Variants in TRAPPC9 observed in about 807,000 individuals in gnomAD.
The protein encoded by TRAPPC9 is IKK2 binding protein.
A neutral mutation model predicts 124.0 loss-of-function variants in TRAPPC9; 83 were observed. The ratio of observed to expected loss-of-function variants is 0.67; its 90% CI spans 0.56 to 0.80. TRAPPC9 has a LOEUF of 0.80. Ranked by LOEUF, TRAPPC9 falls within the 30% of genes least tolerant of loss-of-function variation. The probability of loss-of-function intolerance (pLI) is 0.00; values close to 1 mark genes in which losing one functional copy is unlikely to be tolerated. For synonymous variants in TRAPPC9, 638 were observed against 617.5 expected (o/e 1.03, Z -0.49); for missense variants, 1,302 against 1,508.3 (o/e 0.86, Z 2.27).
intron 19 of TRAPPC9, among the ~76,000 whole-genome samples, chr8:139,971,316 C>A (rs1836050614): frequency 6.6e-6 from 1 of 152,224 alleles, no homozygotes. Context: ...CCACCCTGAA[C>A]AGCTTCAGCC....
chr8:140,297,369 T>C (rs1355236465), intron 11 of TRAPPC9, among the ~76,000 whole-genome samples: 1 of 90,606 alleles, frequency 1.1e-5, no homozygotes, highest in Non-Finnish European at 2.5e-5. Flanking sequence ...CATACACGCA[T>C]ACACACAATA....
At chr8:139,844,300 A>C (rs2130901547) in intron 21 of TRAPPC9, among the ~76,000 whole-genome samples, 1 of 152,356 alleles carries the variant, frequency 6.6e-6, no homozygotes, top group African/African-American at 2.4e-5. Context: ...TGTGAAGGTC[A>C]TGTCCATTTC....
At position 139,961,090 on chromosome 8, in the gene TRAPPC9, A is replaced by G. The variant is rs1835345127; in HGVS notation, c.2810+27636T>C. Reference sequence around the variant, plus strand: ...TACAGGACATGAGATCCCAACACAGAACGTCCTTCTCCTGGTATATGCTGA... The same window carrying G: ...TACAGGACATGAGATCCCAACACAGGACGTCCTTCTCCTGGTATATGCTGA... On this transcript the variant is annotated intron_variant, in intron 19 of 22. Coordinates refer to ENST00000438773, the MANE Select transcript of TRAPPC9 (RefSeq NM_001160372.4). Among the ~76,000 whole-genome samples the G allele has an allele frequency of 1.6e-5, 2 of 124,750 alleles. 1 individual carries two copies. The highest frequency in any genetic ancestry group is 1.7e-4 in the Admixed American group (2 of 11,894). The allele number at this position is 124,750 out of a possible 152,430, so 81.8% of individuals were successfully genotyped here. A position where few individuals can be genotyped will look rare whatever the true frequency, so the allele number is the denominator to read the frequency against.
At chr8:140,051,127 CA>C (rs1345666896) in intron 17 of TRAPPC9, among the ~76,000 whole-genome samples, 2 of 152,244 alleles carry the variant, frequency 1.3e-5, no homozygotes, top group African/African-American at 4.8e-5. Context: ...CAGAGACCAC[CA>C]GATGTTAGCA....
chr8:140,396,138 C>CT (rs59266343), intron 7 of TRAPPC9, among the ~76,000 whole-genome samples: 24,100 of 83,500 alleles, frequency 0.29, 4,338 homozygotes, highest in East Asian at 0.44. Flanking sequence ...AAGACCTTGC[C>CT]TTTTTTTTTT....
Position 140,408,354 on chromosome 8 carries a change from T to C in TRAPPC9, c.887-2656A>G, listed in dbSNP as rs75537435. Among the ~76,000 whole-genome samples the C allele has an allele frequency of 7.7e-3, 1,166 of 152,116 alleles. 14 individuals are homozygous for C. The highest frequency in any genetic ancestry group is 0.027 in the African/African-American group (1,116 of 41,472). On this transcript the variant is annotated intron_variant, in intron 5 of 22. Transcript: ENST00000438773. ...ATCAGCCCAACAATGCTTTCATCAT[T>C]CACTAAAGAGATAGGTACTGAGCTG... is the stretch of plus-strand genomic sequence containing the variant.
intron 19 of TRAPPC9, among the ~76,000 whole-genome samples, chr8:139,952,541 C>T (rs1019231333): frequency 3.3e-5 from 5 of 152,110 alleles, no homozygotes; most frequent in African/African-American, 7.2e-5. Flanking sequence ...GGGCTCTCCC[C>T]GGGAGCAGTG....
intron 20 of TRAPPC9, among the ~76,000 whole-genome samples, chr8:139,909,666 T>G (rs1001607879): frequency 1.3e-5 from 2 of 152,268 alleles, no homozygotes; most frequent in African/African-American, 4.8e-5. Context: ...CCAGGCTCAG[T>G]GACTGTGTGA....
intron 20 of TRAPPC9, among the ~76,000 whole-genome samples, chr8:139,902,815 A>G (rs985172829): frequency 4.6e-5 from 7 of 152,192 alleles, no homozygotes; most frequent in Non-Finnish European, 7.3e-5. Flanking sequence ...AAGGGAGGAT[A>G]GCTCAGCGGA....
intron 21 of TRAPPC9, among the ~76,000 whole-genome samples, chr8:139,737,664 G>A (rs1049277112): frequency 6.6e-6 from 1 of 152,222 alleles, no homozygotes; most frequent in Non-Finnish European, 1.5e-5. Flanking sequence ...TTGCACAGCT[G>A]CTTGTCGAGG....
intron 17 of TRAPPC9, among the ~76,000 whole-genome samples, chr8:140,107,425 T>C (rs1274052577): frequency 6.6e-6 from 1 of 152,096 alleles, no homozygotes; most frequent in Non-Finnish European, 1.5e-5. Context: ...AATGGAACAG[T>C]CCCCACCCTC....
intron 18 of TRAPPC9, among the ~76,000 whole-genome samples, chr8:139,994,086 T>G (rs1359227916): frequency 6.6e-6 from 1 of 152,238 alleles, no homozygotes; most frequent in Non-Finnish European, 1.5e-5. Context: ...TTAAAGTCAT[T>G]TAGACTAATG....
intron 17 of TRAPPC9, among the ~76,000 whole-genome samples, chr8:140,034,704 C>A (rs1464063767): frequency 6.6e-6 from 1 of 152,218 alleles, no homozygotes; most frequent in African/African-American, 2.4e-5. Context: ...GCACTGTGAG[C>A]AGCACTTCAG....
Position 139,938,867 on chromosome 8 carries a change from G to C in TRAPPC9, c.2811-28567C>G, listed in dbSNP as rs181663904. Among the ~76,000 whole-genome samples the C allele has an allele frequency of 5.7e-3, 859 of 151,318 alleles. 10 individuals carry two copies. The highest frequency in any genetic ancestry group is 0.02 in the African/African-American group (810 of 41,150). On this transcript the variant is annotated intron_variant, in intron 19 of 22. Transcript: ENST00000438773. ...TCACCTTGCTAGCCAGGATGGTCTC[G>C]ATCTCCTGACCTCATGATCCACCCG...
chr8:139,914,941 T>C (rs1249046547), intron 19 of TRAPPC9: 1 of 152,232 alleles, frequency 6.6e-6, no homozygotes, highest in Non-Finnish European at 1.5e-5. Context: ...AGAATATTCA[T>C]GCAATTCCCC....
chr8:139,780,771 T>C (rs941607822), intron 21 of TRAPPC9, among the ~76,000 whole-genome samples: 2 of 151,696 alleles, frequency 1.3e-5, no homozygotes, highest in African/African-American at 4.8e-5. Context: ...AAAGATTTAT[T>C]TGGCAAAAGA....
At chr8:140,128,573 A>T (rs754381152) in intron 17 of TRAPPC9, among the ~76,000 whole-genome samples, 1 of 152,266 alleles carries the variant, frequency 6.6e-6, no homozygotes, top group African/African-American at 2.4e-5. Context: ...TGAAGGCAGG[A>T]AACTGGCACT....
At position 140,342,940 on chromosome 8, in the gene TRAPPC9, G is replaced by A. The variant is rs529764311; in HGVS notation, c.1495+17110C>T. On this transcript the variant is annotated intron_variant, in intron 9 of 22. Transcript: ENST00000438773. Reference sequence around the variant, plus strand: ...AATACAATATAGGACATCAACATACGACACGTAGGGCTTTCAACCCGAACC... The same window carrying A: ...AATACAATATAGGACATCAACATACAACACGTAGGGCTTTCAACCCGAACC... Among the ~76,000 whole-genome samples, 39 of 152,248 alleles carry A rather than the reference G, an allele frequency of 2.6e-4. 1 individual carries two copies. In the South Asian group the frequency reaches 5.0e-3, roughly 19 times the overall value.
At chr8:140,455,326 T>G (rs1175096379) in intron 1 of TRAPPC9, among the ~76,000 whole-genome samples, 1 of 149,104 alleles carries the variant, frequency 6.7e-6, no homozygotes, top group Non-Finnish European at 1.5e-5. Flanking sequence ...GGAGATAGGG[T>G]TTTGCCATGT....
Sources: gnomAD v4.1 joint callset for allele counts (sites outside exome capture counted in the v4.1 genomes callset) on GRCh38, gnomAD v4.1.1 for gene constraint, MANE v1.5 for transcripts, NCBI Gene and HGNC (gene_info 2026-07-23, HGNC 2026-07-21) for gene names.